The following KCNT2 variants were observed in gnomAD, a reference collection of about 807,000 sequenced individuals.
KCNT2 encodes potassium sodium-activated channel subfamily T member 2, also known as potassium channel subfamily T member 2.
In KCNT2, 67 loss-of-function variants were observed where a neutral mutation model predicts 153.8. The observed-to-expected ratio is 0.44, with a 90% confidence interval of 0.36 to 0.53. KCNT2 has a LOEUF of 0.53. Among genes scored for constraint, KCNT2 ranks in the 20% least tolerant of loss-of-function variants. The pLI, the probability that KCNT2 is intolerant of heterozygous loss-of-function variation, is 0.00. For synonymous variants in KCNT2, 500 were observed against 458.8 expected, an observed-to-expected ratio of 1.09 and a Z score of -1.15; for missense variants, 975 against 1,354.8, an observed-to-expected ratio of 0.72 and a Z score of 4.40.
chr1:196,514,980 T>TGA (rs1681933090), intron 1 of KCNT2, among the ~76,000 whole-genome samples: 1 of 152,198 alleles, frequency 6.6e-6, no homozygotes, highest in South Asian at 2.1e-4. Flanking sequence ...CCACAACAGA[T>TGA]GAGTTCTAGA....
intron 16 of KCNT2, among the ~76,000 whole-genome samples, chr1:196,337,497 T>C (rs1480738915): frequency 6.6e-6 from 1 of 152,082 alleles, no homozygotes; most frequent in Non-Finnish European, 1.5e-5. Flanking sequence ...CAATCCCATA[T>C]GGACTTAAAT....
At chr1:196,448,097 C>T (rs757315078) in intron 8 of KCNT2, among the ~76,000 whole-genome samples, 3 of 151,608 alleles carry the variant, frequency 2.0e-5, no homozygotes, top group South Asian at 4.1e-4. Flanking sequence ...GAATTGCTTT[C>T]AAACTACTGA....
intron 1 of KCNT2, among the ~76,000 whole-genome samples, chr1:196,559,040 A>T (rs922487192): frequency 8.6e-5 from 13 of 151,500 alleles, no homozygotes; most frequent in African/African-American, 3.1e-4. Flanking sequence ...GTATGTAAAC[A>T]GTAGCTGTTT....
chr1:196,474,147 A>T (rs551180707), intron 5 of KCNT2, among the ~76,000 whole-genome samples: 9 of 152,192 alleles, frequency 5.9e-5, no homozygotes, highest in African/African-American at 1.9e-4. Context: ...AAAATATGCG[A>T]TTTTCTAAAA....
chr1:196,429,072 T>C (rs1267587185), intron 9 of KCNT2, among the ~76,000 whole-genome samples: 1 of 151,620 alleles, frequency 6.6e-6, no homozygotes, highest in Non-Finnish European at 1.5e-5. Context: ...TTCAACTCCT[T>C]GGCTCAAGCC....
At chr1:196,338,255 C>T (rs938844518) in intron 16 of KCNT2, among the ~76,000 whole-genome samples, 3 of 151,616 alleles carry the variant, frequency 2.0e-5, no homozygotes, top group Admixed American at 1.3e-4. Context: ...TTTTAAGGCC[C>T]ATTGGTGAAA....
intron 27 of KCNT2, among the ~76,000 whole-genome samples, chr1:196,233,466 C>T (rs1185485091): frequency 6.6e-6 from 1 of 151,382 alleles, no homozygotes; most frequent in Admixed American, 6.6e-5. Context: ...TAGTACAACA[C>T]TAATTATTCT....
At chr1:196,479,158 C>T (rs778019451) in intron 5 of KCNT2, 21 bp downstream of exon 5, 1 of 1,407,952 alleles carries the variant, frequency 7.1e-7, no homozygotes, top group Non-Finnish European at 1.0e-6. Context: ...CAGCGGGAAA[C>T]TGCTAATTAA....
chr1:196,268,363 T>C (rs1657741656), intron 25 of KCNT2, among the ~76,000 whole-genome samples: 1 of 152,168 alleles, frequency 6.6e-6, no homozygotes, highest in South Asian at 2.1e-4. Context: ...CTTACCACCT[T>C]CTATATTCCA....
intron 25 of KCNT2, among the ~76,000 whole-genome samples, chr1:196,267,718 C>T (rs892657962): frequency 6.6e-6 from 1 of 152,124 alleles, no homozygotes; most frequent in Non-Finnish European, 1.5e-5. Context: ...CTACTGAAAT[C>T]AGATGCCCTG....
intron 13 of KCNT2, among the ~76,000 whole-genome samples, chr1:196,374,873 A>C (rs1248666618): frequency 6.6e-6 from 1 of 151,834 alleles, no homozygotes; most frequent in East Asian, 1.9e-4. Flanking sequence ...AAATATGTAC[A>C]TTTATTACCA....
intron 25 of KCNT2, 116 bp downstream of exon 25, chr1:196,280,744 A>G: frequency 1.0e-6 from 1 of 977,372 alleles, no homozygotes. Flanking sequence ...CTACGTATTC[A>G]GGTAGCATTC....
chr1:196,568,487 A>T (rs4342801), intron 1 of KCNT2, among the ~76,000 whole-genome samples: 150,711 of 151,806 alleles, frequency 0.99, 74,820 homozygotes, highest in Middle Eastern at 1. Context: ...TCCCAGCTAC[A>T]CGGAAGCCTG....
At chr1:196,280,065 G>T (rs1658948941) in intron 25 of KCNT2, among the ~76,000 whole-genome samples, 1 of 150,162 alleles carries the variant, frequency 6.7e-6, no homozygotes. Context: ...AGTGTCTGAA[G>T]AAAAAAAAAT....
At chr1:196,333,286 T>C (rs1049439973) in intron 17 of KCNT2, among the ~76,000 whole-genome samples, 5 of 152,004 alleles carry the variant, frequency 3.3e-5, no homozygotes, top group African/African-American at 1.2e-4. Flanking sequence ...AGCTACAATG[T>C]GATTAATACT....
chr1:196,390,401 A>C (rs1670370923), intron 13 of KCNT2, among the ~76,000 whole-genome samples: 1 of 151,554 alleles, frequency 6.6e-6, no homozygotes, highest in Non-Finnish European at 1.5e-5. Flanking sequence ...TGAGAGTAGC[A>C]AAGATAAAAT....
At chr1:196,287,440 AAAAC>A (rs56394042) in intron 22 of KCNT2, among the ~76,000 whole-genome samples, 38,229 of 150,938 alleles carry the variant, frequency 0.25, 6,878 homozygotes, top group African/African-American at 0.52. Flanking sequence ...TTTACTCTTC[AAAAC>A]AAACAAACAA....
chr1:196,426,066 A>T, intron 10 of KCNT2, 78 bp from the exon 11 acceptor site: 1 of 1,135,540 alleles, frequency 8.8e-7, no homozygotes, highest in Non-Finnish European at 1.3e-6. Context: ...AAAATATCTA[A>T]GAAAAATTTG....
At chr1:196,412,660 TACAGTATGGTAATCA>T (rs1452380082) in intron 12 of KCNT2, among the ~76,000 whole-genome samples, 3 of 151,512 alleles carry the variant, frequency 2.0e-5, no homozygotes, top group African/African-American at 7.3e-5. Context: ...CACACAAATG[TACAGTATGGTAATCA>T]ACACATAAAA....
Sources: allele counts gnomAD v4.1 joint callset (sites outside exome capture counted in the v4.1 genomes callset), GRCh38; gene constraint gnomAD v4.1.1; transcripts MANE v1.5; gene names NCBI Gene and HGNC (gene_info 2026-07-23, HGNC 2026-07-21).